RNF213: variants seen among roughly 807,000 people sequenced by gnomAD.
RNF213 encodes E3 ubiquitin-protein ligase RNF213.
Under a neutral mutation model 514.4 loss-of-function variants are expected in RNF213, and 341 were observed. The ratio of observed to expected loss-of-function variants is 0.66; its 90% CI spans 0.61 to 0.73. The LOEUF (loss-of-function observed/expected upper bound fraction) is 0.73, where lower values mean the gene tolerates loss of function less well. RNF213 is among the 30% of genes least tolerant of loss of function. The pLI is 0.00. For missense variants in RNF213, 5,767 were observed against 6,615.6 expected, an observed-to-expected ratio of 0.87 and a Z score of 4.45; for synonymous variants, 2,655 against 2,658.2, an observed-to-expected ratio of 1.00 and a Z score of 0.04.
chr17:80,381,907 T>G, intron 57 of RNF213, 180 bp downstream of exon 57: 1 of 669,116 alleles, frequency 1.5e-6, no homozygotes, highest in South Asian at 1.8e-5. Flanking sequence ...TGCCTGGGGC[T>G]GGAAAAAGGA....
chr17:80,354,477 T>C lies in RNF213; in HGVS notation c.10763T>C (p.Val3588Ala). The C allele has an allele frequency of 1.2e-6, 2 of 1,614,204 alleles. No individual in the cohort carries two copies. Among genetic ancestry groups the C allele is most frequent in the Non-Finnish European group, 1.7e-6 (2 of 1,180,030 alleles). Residue 3588 changes from valine to alanine, a missense_variant, in exon 36 of 68, where the codon GTC becomes GCC. Transcript: ENST00000582970. Reference protein sequence around the residue: ...FLRVSKMRLSVFLKKQEESQF... With the variant: ...FLRVSKMRLSAFLKKQEESQF... ...CGGGTATCCAAGATGCGCCTCAGTG[T>C]CTTTTTAAAGAAGCAAGAAGAGAGC...
In RNF213 at chr17:80,345,388, C is replaced by G; in HGVS notation, c.7053C>G (p.Tyr2351Ter). 1 of 1,614,052 alleles carries G rather than the reference C, an allele frequency of 6.2e-7. No homozygotes were observed. The highest frequency in any genetic ancestry group is 8.5e-7 in the Non-Finnish European group (1 of 1,180,016). ...GAGACGTCATGACCAGGGACCTGTA[C>G]CAGGGCCTGCTGCTCCAGAGGGTGC... Reference protein sequence around the residue: ...IKRDVMTRDLYQGLLLQRVPF... With the variant: ...IKRDVMTRDL The change falls in exon 29 of 68, where the codon TAC (tyrosine) becomes TAG (stop). Residue 2351 changes from tyrosine to a stop codon, truncating the protein, a stop_gained. Transcript: ENST00000582970. LOFTEE classifies it high-confidence loss of function. This position sits in a 1 kb window ranked among gnomAD's most constrained non-coding sequence, Gnocchi z 6.0.
chr17:80,313,196 A>G lies in RNF213; in HGVS notation c.2811+29A>G, dbSNP rs1421764374. On this transcript the variant is annotated intron_variant, in intron 15 of 67. Transcript: ENST00000582970. ...GGCATTTGGCCGAAGGCTTCTGGGT[A>G]GGGATGTGACTGATCGTGATTCCTC... 3 of 1,613,752 alleles carry G rather than the reference A, an allele frequency of 1.9e-6. No individual in the cohort carries two copies. In the South Asian group the frequency reaches 3.3e-5, roughly 18 times the overall value.
At position 80,368,099 on chromosome 17, in the gene RNF213, T is replaced by C. The variant is rs771572747; in HGVS notation, c.12111T>C (p.Thr4037=). 5 of 1,614,156 alleles carry C rather than the reference T, an allele frequency of 3.1e-6. No individual in the cohort carries two copies. Among genetic ancestry groups the C allele is most frequent in the Non-Finnish European group, 3.4e-6 (4 of 1,180,048 alleles). ...SEQMICPYCL[T]ALPDEFSPAV... ...AGATGATATGCCCCTACTGTTTAACTGCCTTGCCAGACGAATTCTCTCCAG... is the reference window on the plus strand; with the variant it reads ...AGATGATATGCCCCTACTGTTTAACCGCCTTGCCAGACGAATTCTCTCCAG... The change falls in exon 44 of 68, where the codon ACT becomes ACC. Residue 4037 remains threonine (T), a synonymous_variant. Transcript: ENST00000582970.
At chr17:80,335,270 G>A (rs1175359065) in intron 22 of RNF213, among the ~76,000 whole-genome samples, 3 of 152,142 alleles carry the variant, frequency 2.0e-5, no homozygotes, top group East Asian at 1.9e-4. Flanking sequence ...GATGCTGTGC[G>A]TTTCTTGGCA....
At chr17:80,362,735 G>A (rs1481660984) in intron 39 of RNF213, among the ~76,000 whole-genome samples, 2 of 152,210 alleles carry the variant, frequency 1.3e-5, no homozygotes, top group Non-Finnish European at 1.5e-5. Context: ...TCACAGGGAT[G>A]TCCTTTTCAG....
chr17:80,310,126 C>G (rs1449644097), intron 14 of RNF213, among the ~76,000 whole-genome samples: 1 of 152,128 alleles, frequency 6.6e-6, no homozygotes. Flanking sequence ...ACCCCCATGT[C>G]TCTGAGCTCT....
rs144803027 is a variant in RNF213, at chr17:80,263,909, A to G, written c.97+131A>G. On this transcript the variant is annotated intron_variant, in intron 2 of 67. Transcript: ENST00000582970. The surrounding 1 kb of genome is among the most constrained non-coding windows in gnomAD (Gnocchi z 4.9). Reference sequence around the variant, plus strand: ...GGGCCGAGGTCCTCTGTGGCTACTGAGGCTCTGTGGCTCTGAATAGCCATC... The same window carrying G: ...GGGCCGAGGTCCTCTGTGGCTACTGGGGCTCTGTGGCTCTGAATAGCCATC... 169 of 714,184 alleles carry G rather than the reference A, an allele frequency of 2.4e-4. No individual in the cohort carries two copies. In the East Asian group the frequency reaches 4.0e-3, roughly 17 times the overall value. The allele number at this position is 714,184 out of a possible 1,614,324, so 44.2% of individuals were successfully genotyped here.
intron 1 of RNF213, among the ~76,000 whole-genome samples, chr17:80,261,510 G>A (rs578191065): frequency 5.3e-5 from 8 of 152,220 alleles, no homozygotes; most frequent in African/African-American, 1.9e-4. Context: ...CAGGGCGGGA[G>A]GGGAAGGAGC....
chr17:80,309,558 C>G (rs77628562), intron 14 of RNF213, among the ~76,000 whole-genome samples: 1,651 of 152,150 alleles, frequency 0.011, 31 homozygotes, highest in African/African-American at 0.038. Flanking sequence ...ATTTTCCTCC[C>G]AAAAAATACA....
At chr17:80,323,896 C>A (rs951071850) in intron 17 of RNF213, among the ~76,000 whole-genome samples, 1 of 151,146 alleles carries the variant, frequency 6.6e-6, no homozygotes, top group African/African-American at 2.4e-5. Flanking sequence ...TTGTTCCTTG[C>A]TGGTGTCTAG....
rs2080709152 is a variant in RNF213 at position 80,398,756 on chromosome 17, A to C, written c.*5258A>C. The C allele has an allele frequency of 6.6e-6, 1 of 152,190 alleles. No individual in the cohort carries two copies. Among genetic ancestry groups the C allele is most frequent in the Non-Finnish European group, 1.5e-5 (1 of 68,044 alleles). The allele number at this position is 152,190 out of a possible 1,614,324, so 9.4% of individuals were successfully genotyped here. A position where few individuals can be genotyped will look rare whatever the true frequency, so the allele number is the denominator to read the frequency against. ...GACAGAGGCAAAAGGAAAGTCAAAG[A>C]GAAAGAGACAGAAAATCAAGAGGAA... On this transcript the variant is annotated 3_prime_UTR_variant, in exon 68 of 68. Transcript: ENST00000582970.
In RNF213 at chr17:80,387,549, G is replaced by C. The variant is rs114810103; in HGVS notation, c.14922+658G>C. Among the ~76,000 whole-genome samples the C allele has an allele frequency of 5.4e-3, 819 of 152,306 alleles. 3 individuals are homozygous for C. Among genetic ancestry groups the C allele is most frequent in the African/African-American group, 0.019 (775 of 41,566 alleles). Reference sequence around the variant, plus strand: ...TCACCTGACTGCCAAAGCCCACCCTGTAGTTAAAAGCATCCTGTACGTTGG... The same window carrying C: ...TCACCTGACTGCCAAAGCCCACCCTCTAGTTAAAAGCATCCTGTACGTTGG... On this transcript the variant is annotated intron_variant, in intron 63 of 67. Transcript: ENST00000582970.
chr17:80,369,414 A>AG (rs1359658151), intron 44 of RNF213, 88 bp from the exon 45 acceptor site: 46 of 1,278,520 alleles, frequency 3.6e-5, no homozygotes, highest in African/African-American at 3.0e-4. Flanking sequence ...AAAAAAAAAA[A>AG]GTGAAATGCT....
chr17:80,329,197 T>G (rs1172625925), intron 20 of RNF213, among the ~76,000 whole-genome samples: 1 of 152,222 alleles, frequency 6.6e-6, no homozygotes, highest in Non-Finnish European at 1.5e-5. Context: ...TACTCACTCC[T>G]GCTTCCTCTG....
rs2080702403 is a variant in RNF213, at chr17:80,398,352, C to G, written c.*4854C>G. On this transcript the variant is annotated 3_prime_UTR_variant, in exon 68 of 68. Coordinates refer to ENST00000582970, the MANE Select transcript of RNF213 (RefSeq NM_001256071.3). The stretch of plus-strand genomic sequence containing the variant: ...AGCATGGGTCAAGCACAAAGTAAGA[C>G]CACCCCACTAGGAACTATGCTGAAA... 6.6e-6 allele frequency: 1 copy of G among 151,980 alleles called. No homozygotes were observed. The highest frequency in any genetic ancestry group is 1.5e-5 in the Non-Finnish European group (1 of 68,006). 9.4% of individuals were successfully genotyped at this position (151,980 alleles called of 1,614,324 possible). A position where few individuals can be genotyped will look rare whatever the true frequency, so the allele number is the denominator to read the frequency against.
At chr17:80,370,672 C>G (rs951686540) in intron 46 of RNF213, among the ~76,000 whole-genome samples, 9 of 152,176 alleles carry the variant, frequency 5.9e-5, no homozygotes, top group Non-Finnish European at 1.3e-4. Flanking sequence ...ACAAAACACT[C>G]CCACTACACA....
Position 80,350,383 on chromosome 17 carries a change from A to G in RNF213, c.10171A>G (p.Ile3391Val). 2.5e-6 allele frequency: 4 copies of G among 1,603,056 alleles called. No homozygotes were observed. Among genetic ancestry groups the G allele is most frequent in the Non-Finnish European group, 3.4e-6 (4 of 1,169,978 alleles). ...AGATGGAATCCGTAGCGCCCAGCTC[A>G]TTGCCTCAGCTAAGTATGTTTTTAG... Reference protein sequence around the residue: ...FEDGIRSAQLIASAKYSVINE... With the variant: ...FEDGIRSAQLVASAKYSVINE... The change falls in exon 31 of 68, where the codon ATT (isoleucine) becomes GTT (valine). Residue 3391 changes from isoleucine to valine, a missense_variant. By Grantham distance (29) the Ile-to-Val change is conservative. Transcript: ENST00000582970.
chr17:80,288,836 A>G lies in RNF213; in HGVS notation c.933+81A>G. Reference sequence around the variant, plus strand: ...GCCTCTTTCATTTAATTATTCAGCAAATATTTAAGTGCTGGGGATATAGCC... The same window carrying G: ...GCCTCTTTCATTTAATTATTCAGCAGATATTTAAGTGCTGGGGATATAGCC... On this transcript the variant is annotated intron_variant, in intron 5 of 67. Transcript: ENST00000582970. The surrounding 1 kb of genome is among the most constrained non-coding windows in gnomAD (Gnocchi z 4.9). The G allele has an allele frequency of 3.7e-6, 6 of 1,604,150 alleles. No homozygotes were observed. The highest frequency in any genetic ancestry group is 2.2e-5 in the East Asian group (1 of 44,834).
Sources: allele counts gnomAD v4.1 joint callset (sites outside exome capture counted in the v4.1 genomes callset), GRCh38; gene constraint gnomAD v4.1.1; non-coding constraint Gnocchi (gnomAD v3.1); transcripts MANE v1.5; gene names NCBI Gene and HGNC (gene_info 2026-07-23, HGNC 2026-07-21).